MGAT5B: variants seen among roughly 807,000 people sequenced by gnomAD.
MGAT5B encodes the protein N-acetylglucosaminyl-transferase Vb.
Under a neutral mutation model 95.1 loss-of-function variants are expected in MGAT5B, and 54 were observed. That is an observed-to-expected ratio of 0.57 (90% CI 0.46 to 0.71). The LOEUF (loss-of-function observed/expected upper bound fraction) is 0.71, where lower values mean the gene tolerates loss of function less well. Ranked by LOEUF, MGAT5B falls within the 30% of genes least tolerant of loss-of-function variation. The probability of loss-of-function intolerance (pLI) is 0.00; values close to 1 mark genes in which losing one functional copy is unlikely to be tolerated. For synonymous variants in MGAT5B, 464 were observed against 451.0 expected (o/e 1.03, Z -0.36); for missense variants, 935 against 1,088.6 (o/e 0.86, Z 1.99).
intron 10 of MGAT5B, among the ~76,000 whole-genome samples, chr17:76,929,696 C>T (rs1277143574): frequency 6.6e-6 from 1 of 152,134 alleles, no homozygotes; most frequent in African/African-American, 2.4e-5. Context: ...GGCACAGAGT[C>T]CAGGAAGGAA....
chr17:76,897,711 TTC>T (rs1567800283), intron 3 of MGAT5B, among the ~76,000 whole-genome samples: 113 of 110,432 alleles, frequency 1.0e-3, no homozygotes, highest in Middle Eastern at 4.0e-3. Flanking sequence ...CTTTCTTTCT[TTC>T]TTTCTTTCTT....
intron 13 of MGAT5B, among the ~76,000 whole-genome samples, chr17:76,939,840 A>G (rs909944640): frequency 7.8e-5 from 9 of 115,046 alleles, no homozygotes; most frequent in African/African-American, 2.5e-4. Flanking sequence ...TATTGCTGAA[A>G]AGGACATGAT....
rs1248980317 is a variant in MGAT5B at position 76,905,295 on chromosome 17, G to T, written c.817G>T (p.Ala273Ser). The T allele has an allele frequency of 6.9e-6, 11 of 1,603,542 alleles. No homozygotes were observed. Among genetic ancestry groups the T allele is most frequent in the Non-Finnish European group, 8.5e-7 (1 of 1,172,442 alleles). Residue 273 changes from alanine (A) to serine (S), a missense_variant, in exon 7 of 18, where the codon GCA (alanine) becomes TCA (serine). By Grantham distance (99) the Ala-to-Ser change is moderately conservative (BLOSUM62 1). Around this residue, in one of 4 missense-constraint regions of MGAT5B, gnomAD observed 243 missense variants for 305.5 expected, o/e 0.80. Coordinates refer to ENST00000569840, the MANE Select transcript of MGAT5B (RefSeq NM_001199172.2). This position sits in a 1 kb window ranked among gnomAD's most constrained non-coding sequence, Gnocchi z 4.2. ...GTGGGCGCTGGCTGCCCAGCGCCTG[G>T]CACAGAAGCTGGGGGCCACCCAGAG... ...AQWALAAQRL[A>S]QKLGATQRDQ...
rs550540387 is a variant in MGAT5B at position 76,877,097 on chromosome 17, A to G, written c.181+4134A>G. Among the ~76,000 whole-genome samples, 31 of 152,170 alleles carry G rather than the reference A, an allele frequency of 2.0e-4. 1 individual carries two copies. The East Asian group carries it at 5.2e-3, about 26-fold the overall frequency. On this transcript the variant is annotated intron_variant, in intron 2 of 17. Transcript: ENST00000569840. ...TCCCAACACTTTGGGAGGCTGAGGC[A>G]GGTGGATCACCTGAGGTCAGGAGTT...
chr17:76,898,335 T>TA (rs895033528), intron 3 of MGAT5B, among the ~76,000 whole-genome samples: 16 of 150,788 alleles, frequency 1.1e-4, no homozygotes, highest in African/African-American at 3.7e-4. Flanking sequence ...TCTTTTTATT[T>TA]TTTTTTTTTT....
At chr17:76,882,704 CCTTT>C (rs144498781) in intron 3 of MGAT5B, among the ~76,000 whole-genome samples, 31,753 of 137,268 alleles carry the variant, frequency 0.23, 4,972 homozygotes, top group African/African-American at 0.4. Context: ...TTCCACTGCC[CCTTT>C]TTTTTTTTTT....
At chr17:76,943,262 C>G (rs1264155804) in intron 15 of MGAT5B, among the ~76,000 whole-genome samples, 4 of 151,974 alleles carry the variant, frequency 2.6e-5, no homozygotes, top group African/African-American at 9.7e-5. Context: ...ATAACAATTA[C>G]AAAAGGATTA....
rs534992046 is a variant in MGAT5B at position 76,949,258 on chromosome 17, C to T, written c.*420C>T. 5 of 194,688 alleles carry T rather than the reference C, an allele frequency of 2.6e-5. No individual in the cohort carries two copies. Among genetic ancestry groups the T allele is most frequent in the Admixed American group, 5.4e-5 (1 of 18,486 alleles). The allele number at this position is 194,688 out of a possible 1,614,324, so 12.1% of individuals were successfully genotyped here. On this transcript the variant is annotated 3_prime_UTR_variant, in exon 18 of 18. Coordinates refer to ENST00000569840, the MANE Select transcript of MGAT5B (RefSeq NM_001199172.2). ...GGGAGAGGAACAGGGACCAGGCTGCCCCACGGTCCCTGAAGGGTCCAAGGA... is the reference window on the plus strand; with the variant it reads ...GGGAGAGGAACAGGGACCAGGCTGCTCCACGGTCCCTGAAGGGTCCAAGGA...
At chr17:76,872,794 G>T (rs747294277) in intron 1 of MGAT5B, 57 bp from the exon 2 acceptor site, 15 of 1,613,966 alleles carry the variant, frequency 9.3e-6, no homozygotes, top group Non-Finnish European at 1.3e-5. Flanking sequence ...ACGTGGTGGA[G>T]CGTCAGGGCA....
chr17:76,892,822 C>G (rs1320544861), intron 3 of MGAT5B, among the ~76,000 whole-genome samples: 2 of 152,194 alleles, frequency 1.3e-5, no homozygotes, highest in Non-Finnish European at 2.9e-5. Flanking sequence ...AGAGACATGA[C>G]TGACCACTCA....
At chr17:76,928,182 C>T (rs550948965) in intron 10 of MGAT5B, among the ~76,000 whole-genome samples, 2 of 152,092 alleles carry the variant, frequency 1.3e-5, no homozygotes, top group South Asian at 2.1e-4. Context: ...GGTCACACAG[C>T]TCAGTCGGGA....
intron 12 of MGAT5B, among the ~76,000 whole-genome samples, chr17:76,933,634 A>C (rs1969564714): frequency 6.6e-6 from 1 of 152,186 alleles, no homozygotes; most frequent in Non-Finnish European, 1.5e-5. Flanking sequence ...TAACGAAGCT[A>C]CTGATCAGGG....
intron 11 of MGAT5B, 22 bp from the exon 12 acceptor site, chr17:76,933,270 G>C: frequency 6.3e-7 from 1 of 1,598,220 alleles, no homozygotes; most frequent in African/African-American, 1.3e-5. Flanking sequence ...TGTTCCTTGT[G>C]CTCCCCCTGG....
At chr17:76,902,338 C>T (rs146867952) in intron 3 of MGAT5B, among the ~76,000 whole-genome samples, 149 of 152,318 alleles carry the variant, frequency 9.8e-4, no homozygotes, top group African/African-American at 3.3e-3. Flanking sequence ...ATGGGCTTTC[C>T]CGTATGTCTG....
intron 13 of MGAT5B, among the ~76,000 whole-genome samples, chr17:76,939,030 GTGTGTGT>G (rs1176746040): frequency 4.8e-4 from 20 of 41,374 alleles, no homozygotes; most frequent in African/African-American, 1.4e-3. Context: ...CATCTTGGGG[GTGTGTGT>G]GTGTGTGTGT....
intron 1 of MGAT5B, chr17:76,872,644 G>C (rs1415294118): frequency 2.6e-5 from 38 of 1,460,270 alleles, no homozygotes; most frequent in Non-Finnish European, 3.2e-5. Context: ...CGTGTGGCTC[G>C]AGGCCAGCAT....
In MGAT5B at chr17:76,905,455, G is replaced by A. The variant is rs1429241938; in HGVS notation, c.855+122G>A. On this transcript the variant is annotated intron_variant, in intron 7 of 17. Coordinates refer to ENST00000569840, the MANE Select transcript of MGAT5B (RefSeq NM_001199172.2). This position sits in a 1 kb window ranked among gnomAD's most constrained non-coding sequence, Gnocchi z 4.2. ...GGGCTTCTGAATTTGATCAGAGGGA[G>A]AGAGGGGTAGGGATGGCAGAGTCGG... The A allele has an allele frequency of 1.1e-6, 1 of 918,890 alleles. No homozygotes were observed. Among genetic ancestry groups the A allele is most frequent in the Non-Finnish European group, 1.6e-6 (1 of 636,214 alleles). The allele number at this position is 918,890 out of a possible 1,614,324, so 56.9% of individuals were successfully genotyped here.
At chr17:76,890,246 C>T (rs114794533) in intron 3 of MGAT5B, among the ~76,000 whole-genome samples, 351 of 152,314 alleles carry the variant, frequency 2.3e-3, no homozygotes, top group African/African-American at 8.0e-3. Context: ...ATTTCGGGGT[C>T]GGGAGACTCA....
intron 3 of MGAT5B, among the ~76,000 whole-genome samples, chr17:76,893,810 A>G (rs1813959692): frequency 6.6e-6 from 1 of 152,070 alleles, no homozygotes; most frequent in African/African-American, 2.4e-5. Flanking sequence ...CCAGGATGTC[A>G]CTTTCTAGAC....
Sources: gnomAD v4.1 joint callset for allele counts (sites outside exome capture counted in the v4.1 genomes callset) on GRCh38, gnomAD v4.1.1 for gene constraint, gnomAD v4.1.1 regional missense constraint, Gnocchi (gnomAD v3.1) non-coding constraint, MANE v1.5 for transcripts, NCBI Gene and HGNC (gene_info 2026-07-23, HGNC 2026-07-21) for gene names.